The following DLEC1 variants were observed in gnomAD, a reference collection of about 807,000 sequenced individuals.
DLEC1 encodes DLEC1 cilia and flagella associated protein.
A neutral mutation model predicts 198.1 loss-of-function variants in DLEC1; 146 were observed. The observed-to-expected ratio is 0.74, with a 90% CI of 0.64 to 0.85. DLEC1 has a LOEUF of 0.85. DLEC1 is among the 40% of genes least tolerant of loss of function. DLEC1 has a pLI of 0.00. For synonymous variants in DLEC1, 897 were observed against 866.8 expected (o/e 1.03, Z -0.61); for missense variants, 2,233 against 2,220.0 (o/e 1.01, Z -0.12).
chr3:38,040,458 A>G (rs1226659970), intron 1 of DLEC1, among the ~76,000 whole-genome samples: 2 of 152,218 alleles, frequency 1.3e-5, no homozygotes, highest in Non-Finnish European at 2.9e-5. Context: ...ACTGAGGTAG[A>G]TAGACATTAA....
chr3:38,084,397 TA>T, intron 7 of DLEC1, 152 bp downstream of exon 7: 1 of 728,260 alleles, frequency 1.4e-6, no homozygotes, highest in Non-Finnish European at 2.3e-6. Flanking sequence ...GTGGTAGTAG[TA>T]GTAGTGGTGG....
chr3:38,047,653 T>C (rs1482043694), intron 2 of DLEC1, among the ~76,000 whole-genome samples: 1 of 152,220 alleles, frequency 6.6e-6, no homozygotes, highest in African/African-American at 2.4e-5. Context: ...CTAGAGACTT[T>C]ATGAGGTTTA....
At position 38,096,627 on chromosome 3, in the gene DLEC1, G is replaced by A; in HGVS notation, c.2230G>A (p.Glu744Lys). ...SYSVDDVIVL[E>K]IEVKGSVEPF... ...CTCTGTGGATGATGTGATTGTCCTGGAAATCGAGGTGAAAGGCTCAGTAGA... is the reference window on the plus strand; with the variant it reads ...CTCTGTGGATGATGTGATTGTCCTGAAAATCGAGGTGAAAGGCTCAGTAGA... The change falls in exon 15 of 37, where the codon GAA becomes AAA. Residue 744 changes from glutamate (E) to lysine (K), a missense_variant. Coordinates refer to ENST00000308059, the MANE Select transcript of DLEC1 (RefSeq NM_007335.4). 1 of 1,612,828 alleles carries A rather than the reference G, an allele frequency of 6.2e-7. No homozygotes were observed. The highest frequency in any genetic ancestry group is 1.1e-5 in the South Asian group (1 of 91,020).
chr3:38,095,042 G>A lies in DLEC1; in HGVS notation c.2083G>A (p.Glu695Lys), dbSNP rs747795512. The change falls in exon 13 of 37, where the codon GAG (glutamate) becomes AAG (lysine). Residue 695 changes from glutamate (E) to lysine (K), a missense_variant. Coordinates refer to ENST00000308059, the MANE Select transcript of DLEC1 (RefSeq NM_007335.4). The part of the protein sequence containing the change: ...KGVLSPHTDH[E>K]FILSFSPHEL... Reference sequence around the variant, plus strand: ...GGTTCTAAGCCCCCACACAGACCACGAGTTCATCCTGAGCTTTTCTCCTCA... The same window carrying A: ...GGTTCTAAGCCCCCACACAGACCACAAGTTCATCCTGAGCTTTTCTCCTCA... 5.0e-6 allele frequency: 8 copies of A among 1,614,062 alleles called. No homozygotes were observed. Among genetic ancestry groups the A allele is most frequent in the Admixed American group, 3.3e-5 (2 of 60,006 alleles).
chr3:38,108,996 C>T (rs1167928803), intron 21 of DLEC1, among the ~76,000 whole-genome samples: 1 of 152,202 alleles, frequency 6.6e-6, no homozygotes, highest in Non-Finnish European at 1.5e-5. Context: ...AAAGAAACTT[C>T]CTCCTTACAG....
chr3:38,099,305 G>A (rs1395912761), intron 18 of DLEC1, among the ~76,000 whole-genome samples: 2 of 152,128 alleles, frequency 1.3e-5, no homozygotes, highest in Non-Finnish European at 2.9e-5. Context: ...AAGGTCATAC[G>A]GCTGATGGGT....
chr3:38,123,356 A>T lies in DLEC1; in HGVS notation c.*944A>T. The T allele has an allele frequency of 1.9e-6, 1 of 537,584 alleles. No homozygotes were observed. The highest frequency in any genetic ancestry group is 2.3e-5 in the South Asian group (1 of 43,974). 33.3% of individuals were successfully genotyped at this position (537,584 alleles called of 1,614,324 possible). On this transcript the variant is annotated 3_prime_UTR_variant, in exon 37 of 37. Transcript: ENST00000308059. Reference sequence around the variant, plus strand: ...AGGAAAACAGGGATCATGCCCCTACATCCTAAGTTCAGGGTGTTTCTGTGT... The same window carrying T: ...AGGAAAACAGGGATCATGCCCCTACTTCCTAAGTTCAGGGTGTTTCTGTGT...
intron 33 of DLEC1, 121 bp downstream of exon 33, chr3:38,118,145 C>A: frequency 9.0e-7 from 1 of 1,110,638 alleles, no homozygotes; most frequent in Non-Finnish European, 1.3e-6. Flanking sequence ...CCTGACCCTG[C>A]CATACCCTGC....
intron 28 of DLEC1, 38 bp downstream of exon 28, chr3:38,116,696 G>C (rs771186922): frequency 6.2e-7 from 1 of 1,610,776 alleles, no homozygotes; most frequent in African/African-American, 1.3e-5. Context: ...GCTGGCCACT[G>C]AGGGCCACTG....
intron 6 of DLEC1, among the ~76,000 whole-genome samples, chr3:38,075,154 C>T (rs530318859): frequency 2.6e-4 from 39 of 151,870 alleles, no homozygotes; most frequent in African/African-American, 5.8e-4. Context: ...AAAGATTCAA[C>T]GACGCTTGGG....
chr3:38,039,919 G>A (rs1273964924), intron 1 of DLEC1, among the ~76,000 whole-genome samples: 4 of 152,208 alleles, frequency 2.6e-5, no homozygotes, highest in Non-Finnish European at 4.4e-5. Flanking sequence ...ATCAATGAAC[G>A]ACTGCGGCAG....
Position 38,092,871 on chromosome 3 carries a change from G to T in DLEC1, c.1747G>T (p.Val583Leu). ...MCDNCQIKEL[V>L]TIGIGQLIAL... is the part of the protein sequence containing the mutation. Reference sequence around the variant, plus strand: ...CGACAACTGCCAGATAAAGGAGCTGGTGACCATAGGTGGGCTTGAGTGTAC... The same window carrying T: ...CGACAACTGCCAGATAAAGGAGCTGTTGACCATAGGTGGGCTTGAGTGTAC... Residue 583 changes from valine (V) to leucine (L), a missense_variant, in exon 11 of 37, where the codon GTG becomes TTG. Transcript: ENST00000308059. 6.2e-7 allele frequency: 1 copy of T among 1,614,198 alleles called. No individual in the cohort carries two copies. The highest frequency in any genetic ancestry group is 8.5e-7 in the Non-Finnish European group (1 of 1,180,028).
At chr3:38,085,065 T>C (rs371150090) in intron 7 of DLEC1, among the ~76,000 whole-genome samples, 4 of 152,194 alleles carry the variant, frequency 2.6e-5, no homozygotes, top group Admixed American at 2.0e-4. Context: ...ATGGTGTCAT[T>C]TCCCCCCAGG....
At position 38,059,848 on chromosome 3, in the gene DLEC1, T is replaced by C; in HGVS notation, c.669T>C (p.Pro223=). 1 of 1,613,626 alleles carries C rather than the reference T, an allele frequency of 6.2e-7. No individual in the cohort carries two copies. The highest frequency in any genetic ancestry group is 2.2e-5 in the East Asian group (1 of 44,882). ...YTDTVPFHSA[P]KGISLPGCSK... is the part of the protein sequence containing the mutation. ...ATACAGTGCCGTTTCACTCTGCACC[T>C]AAAGGTAATGCTTCTGTGCTCTCAA... Residue 223 remains proline (P), a synonymous_variant, in exon 3 of 37, where the codon CCT becomes CCC. Transcript: ENST00000308059.
chr3:38,119,527 C>A (rs1700348747), intron 33 of DLEC1, among the ~76,000 whole-genome samples: 4 of 152,086 alleles, frequency 2.6e-5, no homozygotes, highest in Admixed American at 2.0e-4. Context: ...AGTTTCTAAG[C>A]CTGGCAATAG....
At chr3:38,048,151 T>C (rs2125581588) in intron 2 of DLEC1, among the ~76,000 whole-genome samples, 1 of 152,354 alleles carries the variant, frequency 6.6e-6, no homozygotes, top group South Asian at 2.1e-4. Flanking sequence ...CAATCAGCTG[T>C]CTTTGATAAC....
Position 38,096,642 on chromosome 3 carries a change from G to T in DLEC1, c.2245G>T (p.Gly749Cys). Reference protein sequence around the residue: ...DVIVLEIEVKGSVEPFQVLLE... With the variant: ...DVIVLEIEVKCSVEPFQVLLE... Reference sequence around the variant, plus strand: ...GATTGTCCTGGAAATCGAGGTGAAAGGCTCAGTAGAACCTTTCCAGGTTCT... The same window carrying T: ...GATTGTCCTGGAAATCGAGGTGAAATGCTCAGTAGAACCTTTCCAGGTTCT... The change falls in exon 15 of 37, where the codon GGC (glycine) becomes TGC (cysteine). Residue 749 changes from glycine to cysteine, a missense_variant. By Grantham distance (159) the Gly-to-Cys change is radical. Transcript: ENST00000308059. The T allele has an allele frequency of 1.2e-6, 2 of 1,613,148 alleles. No homozygotes were observed. The highest frequency in any genetic ancestry group is 1.3e-5 in the African/African-American group (1 of 75,008).
intron 20 of DLEC1, among the ~76,000 whole-genome samples, 161 bp downstream of exon 20, chr3:38,107,898 A>C (rs1364516227): frequency 6.6e-6 from 1 of 152,242 alleles, no homozygotes; most frequent in East Asian, 1.9e-4. Context: ...AGCTCCTCAA[A>C]GGAGCAGCAT....
At chr3:38,085,913 C>T (rs752439430) in intron 8 of DLEC1, among the ~76,000 whole-genome samples, 3 of 152,140 alleles carry the variant, frequency 2.0e-5, no homozygotes, top group African/African-American at 4.8e-5. Context: ...AATTTGGGAC[C>T]GTGATCCCCC....
Sources: gnomAD v4.1 joint callset for allele counts (sites outside exome capture counted in the v4.1 genomes callset) on GRCh38, gnomAD v4.1.1 for gene constraint, MANE v1.5 for transcripts, NCBI Gene and HGNC (gene_info 2026-07-23, HGNC 2026-07-21) for gene names.